The following SORL1 variants were observed in gnomAD, a reference collection of about 807,000 sequenced individuals.
SORL1 encodes sortilin-related receptor.
SORL1 carries 127 observed loss-of-function variants against 273.7 expected under a neutral mutation model. The observed-to-expected ratio is 0.46, with a 90% CI of 0.40 to 0.54. The LOEUF is 0.54. Among genes scored for constraint, SORL1 ranks in the 20% least tolerant of loss-of-function variants. The pLI is 0.00. For missense variants in SORL1, 2,494 were observed against 2,846.1 expected, an observed-to-expected ratio of 0.88 and a Z score of 2.81; for synonymous variants, 1,031 against 1,067.4, an observed-to-expected ratio of 0.97 and a Z score of 0.66.
chr11:121,594,256 G>A (rs1863259834), intron 31 of SORL1, among the ~76,000 whole-genome samples: 1 of 151,948 alleles, frequency 6.6e-6, no homozygotes, highest in Non-Finnish European at 1.5e-5. Flanking sequence ...ACACTTGCAT[G>A]CTTTTTGATA....
intron 12 of SORL1, among the ~76,000 whole-genome samples, chr11:121,542,992 A>G (rs1862369516): frequency 1.3e-5 from 2 of 151,130 alleles, no homozygotes; most frequent in South Asian, 4.2e-4. Context: ...CCTGGCTAAC[A>G]TGGTGAAACC....
intron 6 of SORL1, among the ~76,000 whole-genome samples, chr11:121,502,634 G>A (rs1039707281): frequency 7.2e-5 from 11 of 152,112 alleles, no homozygotes; most frequent in African/African-American, 2.7e-4. Context: ...ATTCCTGATG[G>A]CTAAGGATGT....
Position 121,627,526 on chromosome 11 carries a change from G to C in SORL1, c.6365-29G>C, listed in dbSNP as rs372387508. Reference sequence around the variant, plus strand: ...GGTCTGTTCTCCTGCCCTCAGGTGGGCTTATTGGTGGGAACTTTGCCTTGG... The same window carrying C: ...GGTCTGTTCTCCTGCCCTCAGGTGGCCTTATTGGTGGGAACTTTGCCTTGG... On this transcript the variant is annotated intron_variant, in intron 46 of 47. Coordinates refer to ENST00000260197, the MANE Select transcript of SORL1 (RefSeq NM_003105.6). This position sits in a 1 kb window ranked among gnomAD's most constrained non-coding sequence, Gnocchi z 4.9. The C allele has an allele frequency of 7.0e-5, 112 of 1,598,354 alleles. No homozygotes were observed. Among genetic ancestry groups the C allele is most frequent in the Non-Finnish European group, 8.7e-5 (102 of 1,165,918 alleles).
In SORL1 at chr11:121,554,726, G is replaced by C. The variant is rs980080988; in HGVS notation, c.2440-461G>C. Among the ~76,000 whole-genome samples, 2 of 152,194 alleles carry C rather than the reference G, an allele frequency of 1.3e-5. No individual in the cohort carries two copies. Among genetic ancestry groups the C allele is most frequent in the Non-Finnish European group, 2.9e-5 (2 of 68,032 alleles). On this transcript the variant is annotated intron_variant, in intron 17 of 47. Coordinates refer to ENST00000260197, the MANE Select transcript of SORL1 (RefSeq NM_003105.6). This position sits in a 1 kb window ranked among gnomAD's most constrained non-coding sequence, Gnocchi z 4.6. ...CCTGGGTATTTGAGGGGCTTGGGGT[G>C]GGGGATGGCGGTGATGCTGAATGGA...
At position 121,550,661 on chromosome 11, in the gene SORL1, C is replaced by A. The variant is rs140704540; in HGVS notation, c.2257C>A (p.Pro753Thr). The change falls in exon 16 of 48, where the codon CCC (proline) becomes ACC (threonine). Residue 753 changes from proline (P) to threonine (T), a missense_variant. Transcript: ENST00000260197. The surrounding 1 kb of genome is among the most constrained non-coding windows in gnomAD (Gnocchi z 5.3). ...ARLEGELVPC[P>T]LAEENEFILY... is the part of the protein sequence containing the mutation. The stretch of plus-strand genomic sequence containing the variant: ...ACTGGAAGGAGAGCTGGTCCCCTGT[C>A]CCCTGGCAGGTAAGAGAGGTGGTTT... 3.7e-6 allele frequency: 6 copies of A among 1,613,214 alleles called. No individual in the cohort carries two copies. In the African/African-American group the frequency reaches 6.7e-5, roughly 18 times the overall value.
intron 3 of SORL1, among the ~76,000 whole-genome samples, chr11:121,482,170 T>G (rs1565309699): frequency 6.6e-6 from 1 of 152,152 alleles, no homozygotes; most frequent in Non-Finnish European, 1.5e-5. Flanking sequence ...GGCAGAGGAC[T>G]GGGGCTTTGG....
rs142415594 is a variant in SORL1, at chr11:121,619,845, T to C, written c.5817T>C (p.His1939=). 1.9e-6 allele frequency: 3 copies of C among 1,613,966 alleles called. No homozygotes were observed. The highest frequency in any genetic ancestry group is 2.5e-6 in the Non-Finnish European group (3 of 1,179,838). ...PDSRLPPRHL[H]VVHTGKTSVV... is the part of the protein sequence containing the mutation. The stretch of plus-strand genomic sequence containing the variant: ...GCAGGCTTCCACCCCGTCACCTGCA[T>C]GTGGTTCATACGGGCAAAACCTCCG... Residue 1939 remains histidine (H), a synonymous_variant, in exon 43 of 48, where the codon CAT becomes CAC. Coordinates refer to ENST00000260197, the MANE Select transcript of SORL1 (RefSeq NM_003105.6).
intron 12 of SORL1, among the ~76,000 whole-genome samples, chr11:121,536,576 CTT>C (rs147632353): frequency 7.0e-6 from 1 of 142,898 alleles, no homozygotes; most frequent in Admixed American, 7.0e-5. Context: ...ATTTTTATAT[CTT>C]TTTTTTTTTT....
chr11:121,623,634 C>T (rs1284729894), intron 45 of SORL1, among the ~76,000 whole-genome samples: 1 of 152,168 alleles, frequency 6.6e-6, no homozygotes, highest in Non-Finnish European at 1.5e-5. Context: ...GTAATAACTG[C>T]TGGCTTATAG....
At chr11:121,576,689 C>A in intron 24 of SORL1, 1 of 1,311,928 alleles carries the variant, frequency 7.6e-7, no homozygotes, top group Non-Finnish European at 1.0e-6. Flanking sequence ...TCAAGCTCTG[C>A]TGGTTGGTTC....
intron 5 of SORL1, among the ~76,000 whole-genome samples, chr11:121,496,089 T>C (rs1861624902): frequency 6.6e-6 from 1 of 152,154 alleles, no homozygotes; most frequent in Non-Finnish European, 1.5e-5. Flanking sequence ...TGCAGAGGGA[T>C]GTTATTGCTA....
At chr11:121,548,861 C>T (rs550368601) in intron 14 of SORL1, among the ~76,000 whole-genome samples, 42 of 152,198 alleles carry the variant, frequency 2.8e-4, no homozygotes, top group African/African-American at 8.4e-4. Flanking sequence ...GCTACCATGC[C>T]GGACCTAAAT....
At chr11:121,548,927 G>T (rs1043914043) in intron 14 of SORL1, among the ~76,000 whole-genome samples, 1 of 152,152 alleles carries the variant, frequency 6.6e-6, no homozygotes, top group Non-Finnish European at 1.5e-5. Flanking sequence ...CATGAACGTG[G>T]AATATATGTT....
intron 25 of SORL1, among the ~76,000 whole-genome samples, chr11:121,583,180 G>A (rs1255793685): frequency 6.6e-6 from 1 of 152,150 alleles, no homozygotes. Context: ...TCCTTACCTT[G>A]TAGGTTGTCG....
intron 5 of SORL1, among the ~76,000 whole-genome samples, chr11:121,493,185 TC>T (rs1293446866): frequency 6.6e-6 from 1 of 152,082 alleles, no homozygotes; most frequent in Non-Finnish European, 1.5e-5. Context: ...TCCCTATGTT[TC>T]CCAGGCTGAT....
Position 121,590,162 on chromosome 11 carries a change from A to C in SORL1, c.4201A>C (p.Lys1401Gln). Residue 1401 changes from lysine (K) to glutamine (Q), a missense_variant, in exon 30 of 48, where the codon AAG becomes CAG. Lys to Gln is a moderately conservative substitution (Grantham distance 53). This residue lies in a region of SORL1 where 1,609 missense variants were observed against 1,816.4 expected (regional missense o/e 0.89). Coordinates refer to ENST00000260197, the MANE Select transcript of SORL1 (RefSeq NM_003105.6). ...CGACTGTGGGGACTGGTCTGATGAG[A>C]AGGATTGTGGAGGTAAGAGGCCCCT... ...ENDCGDWSDE[K>Q]DCGDSHILPF... The C allele has an allele frequency of 6.2e-7, 1 of 1,613,986 alleles. No homozygotes were observed. Among genetic ancestry groups the C allele is most frequent in the Non-Finnish European group, 8.5e-7 (1 of 1,179,944 alleles).
chr11:121,574,178 T>A (rs1412235476), intron 23 of SORL1, 63 bp from the exon 24 acceptor site: 2 of 1,520,640 alleles, frequency 1.3e-6, no homozygotes, highest in African/African-American at 2.7e-5. Context: ...TCCAGTAGGA[T>A]GTTTACATTT....
intron 3 of SORL1, among the ~76,000 whole-genome samples, chr11:121,484,311 C>T (rs1308822078): frequency 1.3e-5 from 2 of 152,088 alleles, no homozygotes; most frequent in Admixed American, 6.5e-5. Context: ...CTGGTATCAC[C>T]CTCTAAGTAT....
rs934435719 is a variant in SORL1, at chr11:121,631,526, C to G, written c.*1963C>G. 4 of 152,132 alleles carry G rather than the reference C, an allele frequency of 2.6e-5. No individual in the cohort carries two copies. The highest frequency in any genetic ancestry group is 9.7e-5 in the African/African-American group (4 of 41,432). The allele number at this position is 152,132 out of a possible 1,614,324, so 9.4% of individuals were successfully genotyped here. A position where few individuals can be genotyped will look rare whatever the true frequency, so the allele number is the denominator to read the frequency against. On this transcript the variant is annotated 3_prime_UTR_variant, in exon 48 of 48. Coordinates refer to ENST00000260197, the MANE Select transcript of SORL1 (RefSeq NM_003105.6). ...GGAGGCAAGTCATTTAATTGAACCACTAGGAAGTGTATTTTCTTTTCTTTT... is the reference window on the plus strand; with the variant it reads ...GGAGGCAAGTCATTTAATTGAACCAGTAGGAAGTGTATTTTCTTTTCTTTT...
Sources: gnomAD v4.1 joint callset for allele counts (sites outside exome capture counted in the v4.1 genomes callset) on GRCh38, gnomAD v4.1.1 for gene constraint, gnomAD v4.1.1 regional missense constraint, Gnocchi (gnomAD v3.1) non-coding constraint, MANE v1.5 for transcripts, NCBI Gene and HGNC (gene_info 2026-07-23, HGNC 2026-07-21) for gene names.